Variants in CTSW observed in about 807,000 individuals in gnomAD.
The protein encoded by CTSW is lymphopain.
A neutral mutation model predicts 43.8 loss-of-function variants in CTSW; 42 were observed. The observed-to-expected ratio is 0.96, with a 90% CI of 0.75 to 1.24. The LOEUF is 1.24. Among genes scored for constraint, CTSW ranks in the 50% most tolerant of loss-of-function variants. The probability of loss-of-function intolerance (pLI) is 0.00; values close to 1 mark genes in which losing one functional copy is unlikely to be tolerated. For missense variants in CTSW, 475 were observed against 479.9 expected (o/e 0.99, Z 0.09); for synonymous variants, 191 against 184.8 (o/e 1.03, Z -0.27).
chr11:65,882,126 G>A (rs779159426), intron 3 of CTSW, 49 bp from the exon 4 acceptor site: 2 of 1,602,410 alleles, frequency 1.2e-6, no homozygotes, highest in Non-Finnish European at 1.7e-6. Flanking sequence ...AGGCAGAACA[G>A]GGAGAAGGGG....
At chr11:65,881,603 T>C in intron 3 of CTSW, 83 bp downstream of exon 3, 1 of 908,028 alleles carries the variant, frequency 1.1e-6, no homozygotes, top group Non-Finnish European at 1.7e-6. Context: ...CAGCGGACCT[T>C]CAATTTTTAC....
intron 3 of CTSW, among the ~76,000 whole-genome samples, 198 bp from the exon 4 acceptor site, chr11:65,881,977 T>A (rs1860111592): frequency 6.6e-6 from 1 of 152,104 alleles, no homozygotes; most frequent in South Asian, 2.1e-4. Context: ...GGAGATGGGG[T>A]CTCGGACTCC....
Position 65,881,433 on chromosome 11 carries a change from G to C in CTSW, c.199G>C (p.Ala67Pro). 1 of 1,608,114 alleles carries C rather than the reference G, an allele frequency of 6.2e-7. No homozygotes were observed. Among genetic ancestry groups the C allele is most frequent in the Non-Finnish European group, 8.5e-7 (1 of 1,176,816 alleles). Residue 67 changes from alanine to proline, a missense_variant, in exon 3 of 10, where the codon GCC (alanine) becomes CCC (proline). Ala to Pro is a conservative substitution (Grantham distance 27, BLOSUM62 -1). Coordinates refer to ENST00000307886, the MANE Select transcript of CTSW (RefSeq NM_001335.4). The part of the protein sequence containing the change: ...EEHAHRLDIF[A>P]HNLAQAQRLQ... ...GCATGCTCACCGCCTGGACATCTTT[G>C]CCCACAACCTGGCCCAGGCTCAGAG...
rs1860090360 is a variant in CTSW, at chr11:65,880,294, A to G, written c.172+8A>G. On this transcript the variant is annotated splice_region_variant and intron_variant, in intron 2 of 9. Coordinates refer to ENST00000307886, the MANE Select transcript of CTSW (RefSeq NM_001335.4). ...GTTACCTGAGCCCAGAAGGTATCAC[A>G]GGGCACATACATCTCCAGTCCAAGC... 1 of 1,608,688 alleles carries G rather than the reference A, an allele frequency of 6.2e-7. No homozygotes were observed. The highest frequency in any genetic ancestry group is 8.5e-7 in the Non-Finnish European group (1 of 1,175,908).
In CTSW at chr11:65,882,418, C is replaced by T. The variant is rs1469892707; in HGVS notation, c.442-12C>T. On this transcript the variant is annotated splice_polypyrimidine_tract_variant and intron_variant, in intron 4 of 9. Transcript: ENST00000307886. ...CGAACACCTAGCCCCGCCCCACCCT[C>T]TCGCCCTCCAGAAAAACTGCAACTG... 6.2e-7 allele frequency: 1 copy of T among 1,614,148 alleles called. No homozygotes were observed. Among genetic ancestry groups the T allele is most frequent in the Non-Finnish European group, 8.5e-7 (1 of 1,180,022 alleles).
Position 65,883,595 on chromosome 11 carries a change from C to A in CTSW, c.1108C>A (p.Pro370Thr). 1.9e-6 allele frequency: 3 copies of A among 1,613,980 alleles called. No homozygotes were observed. Among genetic ancestry groups the A allele is most frequent in the Non-Finnish European group, 1.7e-6 (2 of 1,179,878 alleles). The change falls in exon 10 of 10, where the codon CCC becomes ACC. Residue 370 changes from proline (P) to threonine (T), a missense_variant. Coordinates refer to ENST00000307886, the MANE Select transcript of CTSW (RefSeq NM_001335.4). ...TARVQKPDMK[P>T]RVSCPP The stretch of plus-strand genomic sequence containing the variant: ...CCGTGTGCAGAAACCGGATATGAAG[C>A]CCCGAGTCTCCTGCCCTCCCTGAAC...
At chr11:65,879,966 A>C (rs1415069347) in intron 1 of CTSW, 25 bp downstream of exon 1, 10 of 1,583,778 alleles carry the variant, frequency 6.3e-6, no homozygotes, top group Middle Eastern at 1.7e-4. Flanking sequence ...ACCCTTACCT[A>C]TGCCAGTCCC....
At position 65,882,251 on chromosome 11, in the gene CTSW, T is replaced by C; in HGVS notation, c.363T>C (p.Ser121=). The change falls in exon 4 of 10, where the codon TCT becomes TCC. Residue 121 remains serine, a synonymous_variant. Coordinates refer to ENST00000307886, the MANE Select transcript of CTSW (RefSeq NM_001335.4). ...CCAGCATGGGCAGAGAAATAAGGTC[T>C]GAAGAGCCAGAGGAGTCAGTACCTT... The part of the protein sequence containing the change: ...GVPSMGREIR[S]EEPEESVPFS... 1 of 1,614,134 alleles carries C rather than the reference T, an allele frequency of 6.2e-7. No individual in the cohort carries two copies. The highest frequency in any genetic ancestry group is 1.1e-5 in the South Asian group (1 of 91,084).
In CTSW at chr11:65,883,106, C is replaced by T. The variant is rs137879700; in HGVS notation, c.783C>T (p.Thr261=). 74 of 1,613,992 alleles carry T rather than the reference C, an allele frequency of 4.6e-5. No individual in the cohort carries two copies. Among genetic ancestry groups the T allele is most frequent in the Non-Finnish European group, 5.8e-5 (68 of 1,180,016 alleles). The part of the protein sequence containing the change: ...AQYLATYGPI[T]VTINMKPLQL... Reference sequence around the variant, plus strand: ...ACCTGGCCACTTATGGCCCCATCACCGTGACCATCAACATGAAGCCCCTTC... The same window carrying T: ...ACCTGGCCACTTATGGCCCCATCACTGTGACCATCAACATGAAGCCCCTTC... Residue 261 remains threonine, a synonymous_variant, in exon 8 of 10, where the codon ACC becomes ACT. Transcript: ENST00000307886.
chr11:65,881,377 T>C, intron 2 of CTSW, 30 bp from the exon 3 acceptor site: 2 of 1,496,312 alleles, frequency 1.3e-6, no homozygotes, highest in Admixed American at 2.1e-5. Context: ...GGCTTGGGAG[T>C]CAGCCTAGGA....
intron 4 of CTSW, 22 bp from the exon 5 acceptor site, chr11:65,882,408 G>C (rs762985943): frequency 1.9e-6 from 3 of 1,613,976 alleles, no homozygotes; most frequent in South Asian, 1.1e-5. Context: ...ACCTAGCCCC[G>C]CCCCACCCTC....
rs369979367 is a variant in CTSW, at chr11:65,880,198, C to A, written c.88-4C>A. The A allele has an allele frequency of 6.8e-6, 11 of 1,613,620 alleles. No individual in the cohort carries two copies. The African/African-American group carries it at 1.3e-4, about 20-fold the overall frequency. The stretch of plus-strand genomic sequence containing the variant: ...GCCCCTCTCCACCCTTGGTTCCTTG[C>A]CAGGACCTAGGTCCCCAGCCGCTAG... On this transcript the variant is annotated splice_region_variant and splice_polypyrimidine_tract_variant and intron_variant, in intron 1 of 9. Coordinates refer to ENST00000307886, the MANE Select transcript of CTSW (RefSeq NM_001335.4).
At position 65,883,733 on chromosome 11, in the gene CTSW, A is replaced by G; in HGVS notation, c.*115A>G. On this transcript the variant is annotated 3_prime_UTR_variant, in exon 10 of 10. Coordinates refer to ENST00000307886, the MANE Select transcript of CTSW (RefSeq NM_001335.4). Reference sequence around the variant, plus strand: ...AATACAGCCTGAATAAACCAAGACAAGACCTCTGGCTTGTGAGCAGACTCT... The same window carrying G: ...AATACAGCCTGAATAAACCAAGACAGGACCTCTGGCTTGTGAGCAGACTCT... The G allele has an allele frequency of 1.0e-6, 1 of 969,530 alleles. No homozygotes were observed. The highest frequency in any genetic ancestry group is 1.6e-6 in the Non-Finnish European group (1 of 632,102). The allele number at this position is 969,530 out of a possible 1,614,324, so 60.1% of individuals were successfully genotyped here.
chr11:65,881,456 G>T lies in CTSW; in HGVS notation c.222G>T (p.Gln74His). 6.2e-7 allele frequency: 1 copy of T among 1,611,518 alleles called. No individual in the cohort carries two copies. The highest frequency in any genetic ancestry group is 1.1e-5 in the South Asian group (1 of 90,554). Reference sequence around the variant, plus strand: ...TTGCCCACAACCTGGCCCAGGCTCAGAGGCTGCAGGAGGAGGACTTGGGCA... The same window carrying T: ...TTGCCCACAACCTGGCCCAGGCTCATAGGCTGCAGGAGGAGGACTTGGGCA... ...DIFAHNLAQA[Q>H]RLQEEDLGTA... The change falls in exon 3 of 10, where the codon CAG becomes CAT. Residue 74 changes from glutamine (Q) to histidine (H), a missense_variant. By Grantham distance (24) the Gln-to-His change is conservative. Transcript: ENST00000307886.
chr11:65,882,302 C>G lies in CTSW; in HGVS notation c.414C>G (p.Ala138=), dbSNP rs138686861. Reference sequence around the variant, plus strand: ...TCAGCTGTGACTGGCGGAAGGTGGCCAGCGCCATCTCACCCATCAAGGACC... The same window carrying G: ...TCAGCTGTGACTGGCGGAAGGTGGCGAGCGCCATCTCACCCATCAAGGACC... ...VPFSCDWRKV[A]SAISPIKDQK... is the part of the protein sequence containing the mutation. Residue 138 remains alanine (A), a synonymous_variant, in exon 4 of 10, where the codon GCC becomes GCG. Transcript: ENST00000307886. The G allele has an allele frequency of 2.7e-4, 442 of 1,614,110 alleles. No homozygotes were observed. In the African/African-American group the frequency reaches 5.2e-3, roughly 19 times the overall value.
In CTSW at chr11:65,880,302, T is replaced by A. The variant is rs760534603; in HGVS notation, c.172+16T>A. 1 of 1,598,998 alleles carries A rather than the reference T, an allele frequency of 6.3e-7. No homozygotes were observed. The highest frequency in any genetic ancestry group is 8.5e-7 in the Non-Finnish European group (1 of 1,169,822). On this transcript the variant is annotated intron_variant, in intron 2 of 9. Transcript: ENST00000307886. ...AGCCCAGAAGGTATCACAGGGCACA[T>A]ACATCTCCAGTCCAAGCCCCCACTT...
Position 65,881,411 on chromosome 11 carries a change from T to A in CTSW, c.177T>A (p.His59Gln), listed in dbSNP as rs1358503996. The A allele has an allele frequency of 3.8e-6, 6 of 1,596,162 alleles. No homozygotes were observed. Among genetic ancestry groups the A allele is most frequent in the Non-Finnish European group, 5.1e-6 (6 of 1,170,330 alleles). The change falls in exon 3 of 10, where the codon CAT becomes CAA. Residue 59 changes from histidine to glutamine, a missense_variant. Transcript: ENST00000307886. ...GACAACTCCCTTTTGGTCCAGAGCA[T>A]GCTCACCGCCTGGACATCTTTGCCC... ...FNRSYLSPEE[H>Q]AHRLDIFAHN...
At chr11:65,881,050 C>T (rs1226716950) in intron 2 of CTSW, among the ~76,000 whole-genome samples, 4 of 152,172 alleles carry the variant, frequency 2.6e-5, no homozygotes, top group African/African-American at 7.2e-5. Context: ...TTGTCATCTC[C>T]TCTCCCTGCC....
intron 2 of CTSW, 107 bp downstream of exon 2, chr11:65,880,393 C>G: frequency 1.2e-6 from 1 of 827,012 alleles, no homozygotes; most frequent in Non-Finnish European, 1.9e-6. Context: ...GTCATCTTGG[C>G]TCACTGCAAC....
Sources: allele counts gnomAD v4.1 joint callset (sites outside exome capture counted in the v4.1 genomes callset), GRCh38; gene constraint gnomAD v4.1.1; transcripts MANE v1.5; gene names NCBI Gene and HGNC (gene_info 2026-07-23, HGNC 2026-07-21).